Variants in KPNA3 observed in about 807,000 individuals in gnomAD.
The protein encoded by KPNA3 is karyopherin subunit alpha 3, also known as importin subunit alpha-4.
In KPNA3, 13 loss-of-function variants were observed where a neutral mutation model predicts 73.8. That is an observed-to-expected ratio of 0.18 (90% CI 0.11 to 0.28). The LOEUF (loss-of-function observed/expected upper bound fraction) is 0.28. KPNA3 is among the 10% of genes least tolerant of loss of function. The probability of loss-of-function intolerance (pLI) is 1.00; values close to 1 mark genes in which losing one functional copy is unlikely to be tolerated. For synonymous variants in KPNA3, 186 were observed against 206.9 expected, an observed-to-expected ratio of 0.90 and a Z score of 0.87; for missense variants, 360 against 618.1, an observed-to-expected ratio of 0.58 and a Z score of 4.43.
chr13:49,731,042 A>G (rs1374586922), intron 6 of KPNA3, among the ~76,000 whole-genome samples: 1 of 150,714 alleles, frequency 6.6e-6, no homozygotes, highest in Non-Finnish European at 1.5e-5. Context: ...AGCCTCCCAA[A>G]GTGCTGAGAC....
intron 6 of KPNA3, 40 bp from the exon 7 acceptor site, chr13:49,725,541 T>C (rs2273817): frequency 0.25 from 308,206 of 1,224,938 alleles, 41,638 homozygotes; most frequent in Middle Eastern, 0.29. Context: ...GACACATAAC[T>C]ACCACTTAAA....
chr13:49,747,467 T>C (rs746691368), intron 1 of KPNA3, among the ~76,000 whole-genome samples: 2 of 152,048 alleles, frequency 1.3e-5, no homozygotes, highest in African/African-American at 2.4e-5. Context: ...GGAGGATCAC[T>C]TGGGGCCAGG....
intron 1 of KPNA3, among the ~76,000 whole-genome samples, chr13:49,772,086 G>C (rs535326668): frequency 6.6e-6 from 1 of 152,242 alleles, no homozygotes; most frequent in African/African-American, 2.4e-5. Flanking sequence ...GAGTTCTTTA[G>C]AATTTTCTAT....
intron 2 of KPNA3, among the ~76,000 whole-genome samples, chr13:49,735,435 T>G (rs915041696): frequency 6.6e-6 from 1 of 152,148 alleles, no homozygotes; most frequent in African/African-American, 2.4e-5. Context: ...ACTTTACTCT[T>G]AACAAAAATA....
intron 2 of KPNA3, among the ~76,000 whole-genome samples, chr13:49,746,559 A>T (rs1469540423): frequency 6.6e-6 from 1 of 152,238 alleles, no homozygotes; most frequent in Non-Finnish European, 1.5e-5. Flanking sequence ...AATACAATAA[A>T]TTTTAATAGC....
At chr13:49,707,600 A>C (rs1954220031) in intron 12 of KPNA3, among the ~76,000 whole-genome samples, 1 of 152,026 alleles carries the variant, frequency 6.6e-6, no homozygotes, top group African/African-American at 2.4e-5. Context: ...CCTCACTTAA[A>C]AGCATACTAC....
At chr13:49,703,039 T>C (rs1457687196) in intron 15 of KPNA3, among the ~76,000 whole-genome samples, 1 of 151,794 alleles carries the variant, frequency 6.6e-6, no homozygotes, top group South Asian at 2.1e-4. Context: ...CGGCTAAGTT[T>C]TTCTATTTTT....
chr13:49,747,672 C>A (rs576224869), intron 1 of KPNA3, among the ~76,000 whole-genome samples: 3 of 152,100 alleles, frequency 2.0e-5, no homozygotes, highest in Non-Finnish European at 4.4e-5. Context: ...AGTGACAGAG[C>A]GAGACTCTGT....
chr13:49,785,847 T>C (rs1447692426), intron 1 of KPNA3, among the ~76,000 whole-genome samples: 2 of 152,168 alleles, frequency 1.3e-5, no homozygotes, highest in Non-Finnish European at 2.9e-5. Flanking sequence ...ATGCACAGGA[T>C]GGATGGTCGT....
intron 1 of KPNA3, among the ~76,000 whole-genome samples, chr13:49,751,246 G>C (rs1954660416): frequency 6.6e-6 from 1 of 152,050 alleles, no homozygotes; most frequent in Admixed American, 6.6e-5. Context: ...CCTAATGTTA[G>C]GAAACTGTAC....
intron 1 of KPNA3, 31 bp downstream of exon 1, chr13:49,792,407 A>T: frequency 3.4e-6 from 5 of 1,463,166 alleles, no homozygotes; most frequent in Non-Finnish European, 4.6e-6. Flanking sequence ...CGGCGCGGCC[A>T]GGCGGGCCCA....
At position 49,759,187 on chromosome 13, in the gene KPNA3, T is replaced by C. The variant is rs771120910; in HGVS notation, c.70-12194A>G. ...ACCCAAACAACTAAATTGTCATCAC[T>C]GAAGGATGATAATGAACTACCTCAT... is the stretch of plus-strand genomic sequence containing the variant. On this transcript the variant is annotated intron_variant, in intron 1 of 16. Coordinates refer to ENST00000261667, the MANE Select transcript of KPNA3 (RefSeq NM_002267.4). Among the ~76,000 whole-genome samples the C allele has an allele frequency of 6.1e-4, 93 of 152,134 alleles. 1 individual carries two copies. Among genetic ancestry groups the C allele is most frequent in the Non-Finnish European group, 8.8e-4 (60 of 68,032 alleles).
chr13:49,757,858 A>C (rs1053224116), intron 1 of KPNA3, among the ~76,000 whole-genome samples: 36 of 152,188 alleles, frequency 2.4e-4, no homozygotes, highest in African/African-American at 8.4e-4. Context: ...TGATACAAAC[A>C]ATGACTTGGA....
intron 2 of KPNA3, among the ~76,000 whole-genome samples, chr13:49,737,537 TTTC>T (rs1434043943): frequency 6.6e-6 from 1 of 151,760 alleles, no homozygotes; most frequent in Non-Finnish European, 1.5e-5. Context: ...TGTTTTGTTT[TTTC>T]TTACTATTAA....
chr13:49,753,172 C>A (rs1439484286), intron 1 of KPNA3, among the ~76,000 whole-genome samples: 10 of 147,272 alleles, frequency 6.8e-5, no homozygotes, highest in South Asian at 2.2e-4. Context: ...AACTATAAAT[C>A]AAAAAAAACT....
At chr13:49,747,691 A>G (rs1338448033) in intron 1 of KPNA3, among the ~76,000 whole-genome samples, 1 of 151,648 alleles carries the variant, frequency 6.6e-6, no homozygotes, top group Non-Finnish European at 1.5e-5. Context: ...GTCTCAAAAA[A>G]TAAATAAATA....
chr13:49,743,149 G>A (rs952253119), intron 2 of KPNA3, among the ~76,000 whole-genome samples: 2 of 152,150 alleles, frequency 1.3e-5, no homozygotes, highest in Non-Finnish European at 2.9e-5. Flanking sequence ...ATGGAGTAAA[G>A]TGAGTTACAA....
At chr13:49,726,505 A>ATG (rs922353557) in intron 6 of KPNA3, among the ~76,000 whole-genome samples, 3 of 152,048 alleles carry the variant, frequency 2.0e-5, no homozygotes, top group East Asian at 1.9e-4. Context: ...GTGTTTGTGC[A>ATG]TGTGTGTGTG....
intron 7 of KPNA3, among the ~76,000 whole-genome samples, chr13:49,724,749 A>C (rs549698990): frequency 7.2e-5 from 11 of 152,264 alleles, no homozygotes; most frequent in African/African-American, 2.4e-4. Flanking sequence ...GGCATGCGCC[A>C]CCATGCAATG....
Sources: gnomAD v4.1 joint callset for allele counts (sites outside exome capture counted in the v4.1 genomes callset) on GRCh38, gnomAD v4.1.1 for gene constraint, MANE v1.5 for transcripts, NCBI Gene and HGNC (gene_info 2026-07-23, HGNC 2026-07-21) for gene names.